The following DSCAML1 variants were observed in gnomAD, a reference collection of about 807,000 sequenced individuals.
DSCAML1 encodes cell adhesion molecule DSCAML1.
A neutral mutation model predicts 200.5 loss-of-function variants in DSCAML1; 38 were observed. That is an observed-to-expected ratio of 0.19 (90% CI 0.15 to 0.25). DSCAML1 has a LOEUF of 0.25. DSCAML1 is among the 10% of genes least tolerant of loss of function. The pLI, the probability that DSCAML1 is intolerant of heterozygous loss-of-function variation, is 1.00. For synonymous variants in DSCAML1, 1,215 were observed against 1,165.0 expected, an observed-to-expected ratio of 1.04 and a Z score of -0.87; for missense variants, 2,223 against 2,858.8, an observed-to-expected ratio of 0.78 and a Z score of 5.07.
chr11:117,555,311 T>C (rs1010459957), intron 3 of DSCAML1, among the ~76,000 whole-genome samples: 5 of 152,228 alleles, frequency 3.3e-5, no homozygotes, highest in Non-Finnish European at 5.9e-5. Context: ...TGCCTGTGTA[T>C]CAGGCAGATG....
intron 3 of DSCAML1, among the ~76,000 whole-genome samples, chr11:117,678,577 G>A (rs2053258808): frequency 6.6e-6 from 1 of 152,194 alleles, no homozygotes; most frequent in South Asian, 2.1e-4. Flanking sequence ...TTGAGAGAGG[G>A]TCAGGGAAAG....
chr11:117,743,474 T>TC (rs141280293), intron 3 of DSCAML1, among the ~76,000 whole-genome samples: 1,974 of 152,224 alleles, frequency 0.013, 43 homozygotes, highest in African/African-American at 0.043. Flanking sequence ...AGGCCCTCTG[T>TC]CCCCCCAAGC....
chr11:117,568,121 A>G (rs1294754928), intron 3 of DSCAML1, among the ~76,000 whole-genome samples: 2 of 152,214 alleles, frequency 1.3e-5, no homozygotes, highest in Non-Finnish European at 2.9e-5. Flanking sequence ...AAAGACAAAA[A>G]CCAAATGATT....
At chr11:117,600,549 C>A (rs1425681454) in intron 3 of DSCAML1, among the ~76,000 whole-genome samples, 1 of 152,216 alleles carries the variant, frequency 6.6e-6, no homozygotes, top group Admixed American at 6.5e-5. Flanking sequence ...CCTCCGCCCA[C>A]ACCACAGGAT....
At chr11:117,702,201 C>T (rs568760909) in intron 3 of DSCAML1, among the ~76,000 whole-genome samples, 12 of 152,300 alleles carry the variant, frequency 7.9e-5, no homozygotes, top group East Asian at 3.9e-4. Flanking sequence ...CACAATTCAA[C>T]GGCCCACATT....
chr11:117,773,060 C>G (rs943990014), intron 3 of DSCAML1, among the ~76,000 whole-genome samples: 5 of 152,348 alleles, frequency 3.3e-5, no homozygotes, highest in Admixed American at 3.3e-4. Context: ...GTTTCCTTGG[C>G]CAGCTTCAGG....
At chr11:117,567,020 A>G (rs1050626121) in intron 3 of DSCAML1, among the ~76,000 whole-genome samples, 6 of 152,216 alleles carry the variant, frequency 3.9e-5, no homozygotes, top group African/African-American at 1.4e-4. Context: ...GCTATTGTGA[A>G]TAATGCTGCA....
intron 3 of DSCAML1, among the ~76,000 whole-genome samples, chr11:117,768,390 G>A (rs2054937116): frequency 6.6e-6 from 1 of 152,158 alleles, no homozygotes; most frequent in African/African-American, 2.4e-5. Context: ...GCTTTCTCAA[G>A]ATCATAGTTA....
chr11:117,710,834 T>C (rs527353932), intron 3 of DSCAML1, among the ~76,000 whole-genome samples: 18 of 152,168 alleles, frequency 1.2e-4, no homozygotes, highest in Non-Finnish European at 2.5e-4. Context: ...TCTCTACAAG[T>C]TGACAATCTA....
chr11:117,460,809 G>A (rs928573157), intron 18 of DSCAML1, among the ~76,000 whole-genome samples: 4 of 152,130 alleles, frequency 2.6e-5, no homozygotes, highest in Non-Finnish European at 5.9e-5. Flanking sequence ...CGGGCGGCTT[G>A]TCTGCACAGA....
chr11:117,812,893 C>T (rs2055772957), intron 1 of DSCAML1, among the ~76,000 whole-genome samples: 1 of 151,808 alleles, frequency 6.6e-6, no homozygotes, highest in South Asian at 2.1e-4. Flanking sequence ...ACTGTTTTAG[C>T]CTAGCCCTCA....
chr11:117,751,867 TCAGCTCCCCAC>T, intron 3 of DSCAML1, among the ~76,000 whole-genome samples: 1 of 152,254 alleles, frequency 6.6e-6, no homozygotes, highest in South Asian at 2.1e-4. Context: ...AGTGAGAGAC[TCAGCTCCCCAC>T]ACCAGGTCTA....
chr11:117,436,567 T>C (rs1592569977), intron 26 of DSCAML1, among the ~76,000 whole-genome samples: 2 of 152,122 alleles, frequency 1.3e-5, no homozygotes, highest in Non-Finnish European at 2.9e-5. Flanking sequence ...TGTATCCCCA[T>C]GTGGCAGATG....
intron 22 of DSCAML1, 105 bp from the exon 23 acceptor site, chr11:117,439,534 C>T (rs931552114): frequency 1.3e-5 from 19 of 1,408,962 alleles, no homozygotes; most frequent in South Asian, 5.4e-5. Flanking sequence ...GAAGGAGGCT[C>T]GCCAGGGAAC....
intron 20 of DSCAML1, among the ~76,000 whole-genome samples, chr11:117,445,854 C>T (rs1395920601): frequency 1.3e-5 from 2 of 152,106 alleles, no homozygotes; most frequent in Admixed American, 6.6e-5. Context: ...CTGGACACCC[C>T]GTGAGTCTCC....
intron 3 of DSCAML1, among the ~76,000 whole-genome samples, chr11:117,601,134 C>G (rs901355499): frequency 6.6e-6 from 1 of 152,294 alleles, no homozygotes; most frequent in South Asian, 2.1e-4. Context: ...TCCCAGCCCC[C>G]ACCCGCACCA....
intron 32 of DSCAML1, 68 bp from the exon 33 acceptor site, chr11:117,428,871 C>A (rs1214999113): frequency 2.1e-6 from 3 of 1,420,274 alleles, no homozygotes; most frequent in East Asian, 2.5e-5. Flanking sequence ...GTTCAGCCCC[C>A]ACCCCATCCC....
At chr11:117,579,810 ATAAG>A (rs2051009808) in intron 3 of DSCAML1, among the ~76,000 whole-genome samples, 1 of 152,222 alleles carries the variant, frequency 6.6e-6, no homozygotes, top group Non-Finnish European at 1.5e-5. Context: ...TATCAAATAA[ATAAG>A]TAAATGTAAG....
chr11:117,541,906 G>A (rs679223), intron 3 of DSCAML1, among the ~76,000 whole-genome samples: 23,316 of 152,152 alleles, frequency 0.15, 2,051 homozygotes, highest in South Asian at 0.39. Flanking sequence ...GATTGGAAAT[G>A]CTACCCCCAG....
Sources: gnomAD v4.1 joint callset for allele counts (sites outside exome capture counted in the v4.1 genomes callset) on GRCh38, gnomAD v4.1.1 for gene constraint, MANE v1.5 for transcripts, NCBI Gene and HGNC (gene_info 2026-07-23, HGNC 2026-07-21) for gene names.